Variants in FGF6 observed in about 807,000 individuals in gnomAD.
FGF6 encodes the protein fibroblast growth factor 6.
Under a neutral mutation model 18.4 loss-of-function variants are expected in FGF6, and 14 were observed. The ratio of observed to expected loss-of-function variants is 0.76; its 90% confidence interval spans 0.50 to 1.19. The LOEUF (loss-of-function observed/expected upper bound fraction) is 1.19. Among genes scored for constraint, FGF6 ranks in the 50% most tolerant of loss-of-function variants. The pLI is 0.00. For synonymous variants in FGF6, 125 were observed against 116.7 expected, an observed-to-expected ratio of 1.07 and a Z score of -0.46; for missense variants, 266 against 271.6, an observed-to-expected ratio of 0.98 and a Z score of 0.15.
At chr12:4,438,751 CAAAAA>C (rs386375443) in intron 2 of FGF6, among the ~76,000 whole-genome samples, 50 of 39,724 alleles carry the variant, frequency 1.3e-3, no homozygotes, top group Non-Finnish European at 1.9e-3. Flanking sequence ...GACTCTATCT[CAAAAA>C]AAAAAAAAAA....
At chr12:4,444,581 C>T (rs17177165) in intron 1 of FGF6, among the ~76,000 whole-genome samples, 2 of 151,858 alleles carry the variant, frequency 1.3e-5, no homozygotes, top group Admixed American at 6.6e-5. Context: ...TCTGATTCTT[C>T]TTCTTCTTCT....
chr12:4,438,419 G>A (rs919030325), intron 2 of FGF6, among the ~76,000 whole-genome samples: 2 of 151,984 alleles, frequency 1.3e-5, no homozygotes, highest in African/African-American at 2.4e-5. Context: ...TCCCACACAC[G>A]CACAAAAGTT....
At chr12:4,436,754 G>A (rs1865633604) in intron 2 of FGF6, among the ~76,000 whole-genome samples, 1 of 152,206 alleles carries the variant, frequency 6.6e-6, no homozygotes, top group African/African-American at 2.4e-5. Context: ...GCCCTCATAT[G>A]TTTTCCCCAT....
At chr12:4,439,246 T>C (rs1865659464) in intron 2 of FGF6, among the ~76,000 whole-genome samples, 1 of 152,162 alleles carries the variant, frequency 6.6e-6, no homozygotes, top group African/African-American at 2.4e-5. Context: ...GTGGTCTCCT[T>C]CTTGTTGGGT....
At chr12:4,434,503 T>C in intron 2 of FGF6, 112 bp from the exon 3 acceptor site, 1 of 967,342 alleles carries the variant, frequency 1.0e-6, no homozygotes, top group South Asian at 1.4e-5. Context: ...TCCCTTCTCT[T>C]TGTGAGACAA....
intron 2 of FGF6, among the ~76,000 whole-genome samples, chr12:4,435,037 A>T (rs1865612099): frequency 6.6e-6 from 1 of 151,792 alleles, no homozygotes; most frequent in Non-Finnish European, 1.5e-5. Flanking sequence ...GTGGTTCCTC[A>T]GTCTGTCTTT....
chr12:4,444,076 A>G, intron 2 of FGF6, 57 bp downstream of exon 2: 2 of 1,115,380 alleles, frequency 1.8e-6, no homozygotes, highest in Non-Finnish European at 2.7e-6. Context: ...TATTTTCTTC[A>G]ACTGTGTAAG....
At position 4,445,421 on chromosome 12, in the gene FGF6, G is replaced by A. The variant is rs1337877742; in HGVS notation, c.150C>T (p.Asp50=). Residue 50 remains aspartate, a synonymous_variant, in exon 1 of 3, where the codon GAC becomes GAT. Transcript: ENST00000228837. The surrounding 1 kb of genome is among the most constrained non-coding windows in gnomAD (Gnocchi z 5.5). ...ACAGCAGGGTGCCCCAGCCCCTCGA[G>A]TCCAGCAGCGTGTTGTTGGCACGGG... is the stretch of plus-strand genomic sequence containing the variant. The part of the protein sequence containing the change: ...AGTRANNTLL[D]SRGWGTLLSR... 1 of 1,613,434 alleles carries A rather than the reference G, an allele frequency of 6.2e-7. No individual in the cohort carries two copies. Among genetic ancestry groups the A allele is most frequent in the East Asian group, 2.2e-5 (1 of 44,878 alleles).
intron 2 of FGF6, among the ~76,000 whole-genome samples, chr12:4,437,687 A>G (rs1182256346): frequency 6.6e-6 from 1 of 152,268 alleles, no homozygotes; most frequent in African/African-American, 2.4e-5. Context: ...ATCTGAAATG[A>G]ATATAAAGTA....
At position 4,445,671 on chromosome 12, in the gene FGF6, A is replaced by G. The variant is rs550517769; in HGVS notation, c.-101T>C. 80 of 907,742 alleles carry G rather than the reference A, an allele frequency of 8.8e-5. No homozygotes were observed. The highest frequency in any genetic ancestry group is 1.2e-4 in the Non-Finnish European group (72 of 615,702). 56.2% of individuals were successfully genotyped at this position (907,742 alleles called of 1,614,324 possible). A position where few individuals can be genotyped will look rare whatever the true frequency, so the allele number is the denominator to read the frequency against. ...CATGGCGGCAGGGGCTTATTTTTGG[A>G]AGGCAGATGAAGGCTGCTGACATGA... On this transcript the variant is annotated 5_prime_UTR_variant, in exon 1 of 3. Transcript: ENST00000228837. The surrounding 1 kb of genome is among the most constrained non-coding windows in gnomAD (Gnocchi z 5.5).
In FGF6 at chr12:4,444,195, G is replaced by C. The variant is rs148135963; in HGVS notation, c.388C>G (p.Leu130Val). The C allele has an allele frequency of 1.1e-4, 176 of 1,613,818 alleles. No homozygotes were observed. The highest frequency in any genetic ancestry group is 1.4e-4 in the Non-Finnish European group (162 of 1,179,890). The change falls in exon 2 of 3, where the codon CTC (leucine) becomes GTC (valine). Residue 130 changes from leucine (L) to valine (V), a missense_variant. Transcript: ENST00000228837. ...AAGAGGGCACTTCTCACTCCAAAGA[G>C]ACTCACCACGCCTCGCTCCACAGTG... Reference protein sequence around the residue: ...ISTVERGVVSLFGVRSALFVA... With the variant: ...ISTVERGVVSVFGVRSALFVA...
At chr12:4,436,302 T>C (rs544791450) in intron 2 of FGF6, among the ~76,000 whole-genome samples, 1 of 152,156 alleles carries the variant, frequency 6.6e-6, no homozygotes, top group East Asian at 1.9e-4. Flanking sequence ...GCTTGGTACA[T>C]GATGCTGAGT....
At chr12:4,436,211 G>A (rs968334139) in intron 2 of FGF6, among the ~76,000 whole-genome samples, 51 of 152,072 alleles carry the variant, frequency 3.4e-4, no homozygotes, top group African/African-American at 1.1e-3. Flanking sequence ...CCCTTTCAGT[G>A]GACCTCTCTG....
At chr12:4,442,738 G>A (rs17177242) in intron 2 of FGF6, among the ~76,000 whole-genome samples, 2 of 152,030 alleles carry the variant, frequency 1.3e-5, no homozygotes, top group Middle Eastern at 3.4e-3. Context: ...TCCTGTCCTC[G>A]CCATCACTTT....
chr12:4,441,542 G>A (rs2137029604), intron 2 of FGF6, among the ~76,000 whole-genome samples: 1 of 152,270 alleles, frequency 6.6e-6, no homozygotes, highest in East Asian at 1.9e-4. Context: ...CTAAAGGGGG[G>A]CCTGGCAAAC....
intron 2 of FGF6, among the ~76,000 whole-genome samples, chr12:4,440,780 A>G (rs1164958493): frequency 6.6e-6 from 1 of 152,160 alleles, no homozygotes; most frequent in Admixed American, 6.5e-5. Flanking sequence ...ATCTCCCAGC[A>G]CTTCCTCATG....
At chr12:4,434,431 A>G in intron 2 of FGF6, 40 bp from the exon 3 acceptor site, 1 of 1,607,226 alleles carries the variant, frequency 6.2e-7, no homozygotes. Context: ...CTGGGTTACA[A>G]ATGAGGAGTG....
intron 2 of FGF6, 48 bp from the exon 3 acceptor site, chr12:4,434,439 G>C: frequency 1.3e-6 from 2 of 1,597,810 alleles, no homozygotes; most frequent in Non-Finnish European, 1.7e-6. Flanking sequence ...CAAATGAGGA[G>C]TGCTGCAGAT....
At position 4,445,547 on chromosome 12, in the gene FGF6, G is replaced by A. The variant is rs371001930; in HGVS notation, c.24C>T (p.Phe8=). MALGQKL[F]ITMSRGAGRL... Reference sequence around the variant, plus strand: ...GTCCTGCTCCCCGGGACATAGTGATGAACAGTTTCTGTCCCAGGGCCATCC... The same window carrying A: ...GTCCTGCTCCCCGGGACATAGTGATAAACAGTTTCTGTCCCAGGGCCATCC... Residue 8 remains phenylalanine (F), a synonymous_variant, in exon 1 of 3, where the codon TTC becomes TTT. Coordinates refer to ENST00000228837, the MANE Select transcript of FGF6 (RefSeq NM_020996.3). This position sits in a 1 kb window ranked among gnomAD's most constrained non-coding sequence, Gnocchi z 5.5. 1 of 1,601,584 alleles carries A rather than the reference G, an allele frequency of 6.2e-7. No individual in the cohort carries two copies. Among genetic ancestry groups the A allele is most frequent in the African/African-American group, 1.3e-5 (1 of 74,774 alleles).
Sources: gnomAD v4.1 joint callset for allele counts (sites outside exome capture counted in the v4.1 genomes callset) on GRCh38, gnomAD v4.1.1 for gene constraint, Gnocchi (gnomAD v3.1) non-coding constraint, MANE v1.5 for transcripts, NCBI Gene and HGNC (gene_info 2026-07-23, HGNC 2026-07-21) for gene names.